The following DIP2B variants were observed in gnomAD, a reference collection of about 807,000 sequenced individuals.
DIP2B encodes disco-interacting protein 2 homolog B.
In DIP2B, 76 loss-of-function variants were observed where a neutral mutation model predicts 198.0. The ratio of observed to expected loss-of-function variants is 0.38; its 90% CI spans 0.32 to 0.46. DIP2B has a LOEUF of 0.46. Ranked by LOEUF, DIP2B falls within the 20% of genes least tolerant of loss-of-function variation. The probability of loss-of-function intolerance (pLI) is 0.99; values close to 1 mark genes in which losing one functional copy is unlikely to be tolerated. For synonymous variants in DIP2B, 701 were observed against 739.1 expected (o/e 0.95, Z 0.84); for missense variants, 1,559 against 1,978.4 (o/e 0.79, Z 4.02).
chr12:50,688,273 C>T (rs576717992), intron 12 of DIP2B, among the ~76,000 whole-genome samples: 2 of 152,048 alleles, frequency 1.3e-5, no homozygotes, highest in Non-Finnish European at 2.9e-5. Flanking sequence ...AGAGAGTGAC[C>T]AGTAGCTCTG....
rs769310323 is a variant in DIP2B, at chr12:50,674,564, C to G, written c.731C>G (p.Pro244Arg). 7 of 1,614,240 alleles carry G rather than the reference C, an allele frequency of 4.3e-6. No homozygotes were observed. In the Admixed American group the frequency reaches 5.0e-5, roughly 12 times the overall value. The change falls in exon 6 of 38, where the codon CCC (proline) becomes CGC (arginine). Residue 244 changes from proline to arginine, a missense_variant. Pro to Arg is a moderately radical substitution (Grantham distance 103). Transcript: ENST00000301180. Reference protein sequence around the residue: ...SIRPANIDLPPSGIVKGMHKG... With the variant: ...SIRPANIDLPRSGIVKGMHKG... Reference sequence around the variant, plus strand: ...CGCCCAGCAAACATTGACCTGCCCCCCTCGGGGATAGTTAAAGGCATGCAC... The same window carrying G: ...CGCCCAGCAAACATTGACCTGCCCCGCTCGGGGATAGTTAAAGGCATGCAC...
intron 1 of DIP2B, among the ~76,000 whole-genome samples, chr12:50,621,171 G>A (rs559076856): frequency 1.3e-5 from 2 of 152,320 alleles, no homozygotes; most frequent in Admixed American, 1.3e-4. Flanking sequence ...ATAAGTGGTG[G>A]CAACCACAGA....
intron 1 of DIP2B, among the ~76,000 whole-genome samples, chr12:50,573,714 T>G (rs971583620): frequency 6.6e-6 from 1 of 152,240 alleles, no homozygotes; most frequent in Non-Finnish European, 1.5e-5. Context: ...AAATGGTTAG[T>G]CCAATTTTGT....
intron 1 of DIP2B, among the ~76,000 whole-genome samples, chr12:50,538,106 G>T (rs1958286569): frequency 6.6e-6 from 1 of 152,166 alleles, no homozygotes; most frequent in African/African-American, 2.4e-5. Context: ...ACAGAGGAAA[G>T]AAAAGCTTGT....
intron 1 of DIP2B, among the ~76,000 whole-genome samples, chr12:50,546,088 G>A (rs1958375350): frequency 6.6e-6 from 1 of 152,198 alleles, no homozygotes. Flanking sequence ...TGCACTGATT[G>A]TATTATCTTA....
At chr12:50,615,301 TA>T (rs1937678278) in intron 1 of DIP2B, among the ~76,000 whole-genome samples, 1 of 152,220 alleles carries the variant, frequency 6.6e-6, no homozygotes, top group African/African-American at 2.4e-5. Context: ...CATTCATAAT[TA>T]GATGCACGTA....
At position 50,660,303 on chromosome 12, in the gene DIP2B, T is replaced by G; in HGVS notation, c.411T>G (p.Asp137Glu). ...RRSTFVQSPA[D>E]ACTPPDTSSA... ...CCACATTTGTTCAGTCTCCTGCAGA[T>G]GCCTGCACACCTCCTGGTAGGTTTA... Residue 137 changes from aspartate to glutamate, a missense_variant, in exon 4 of 38, where the codon GAT becomes GAG. Physicochemically the swap from Asp to Glu is conservative, Grantham distance 45. Transcript: ENST00000301180. The G allele has an allele frequency of 6.2e-7, 1 of 1,609,910 alleles. No homozygotes were observed. Among genetic ancestry groups the G allele is most frequent in the South Asian group, 1.1e-5 (1 of 89,764 alleles).
intron 3 of DIP2B, among the ~76,000 whole-genome samples, chr12:50,654,700 T>C (rs1201238305): frequency 1.3e-5 from 2 of 152,156 alleles, no homozygotes; most frequent in Non-Finnish European, 2.9e-5. Flanking sequence ...ATATAAAAAA[T>C]GGCCAAGTGA....
At chr12:50,623,392 T>TACAC (rs55689070) in intron 1 of DIP2B, among the ~76,000 whole-genome samples, 77 of 94,430 alleles carry the variant, frequency 8.2e-4, no homozygotes, top group African/African-American at 2.9e-3. Context: ...TATATGTATC[T>TACAC]ACACACACAC....
At chr12:50,552,554 T>G (rs904270130) in intron 1 of DIP2B, among the ~76,000 whole-genome samples, 1 of 152,146 alleles carries the variant, frequency 6.6e-6, no homozygotes, top group Non-Finnish European at 1.5e-5. Context: ...TTCTGGATAT[T>G]AACCCTTTAT....
intron 1 of DIP2B, among the ~76,000 whole-genome samples, chr12:50,524,585 T>C (rs886975288): frequency 1.3e-5 from 2 of 152,104 alleles, no homozygotes; most frequent in African/African-American, 2.4e-5. Flanking sequence ...TCTTCCTTTT[T>C]TTAATTTATC....
intron 1 of DIP2B, among the ~76,000 whole-genome samples, chr12:50,548,847 A>G (rs1297558876): frequency 6.6e-6 from 1 of 152,146 alleles, no homozygotes; most frequent in Non-Finnish European, 1.5e-5. Context: ...TTTAAAGTGT[A>G]AGATACTAAG....
rs778643114 is a variant in DIP2B at position 50,698,403 on chromosome 12, G to T, written c.2124G>T (p.Arg708=). The T allele has an allele frequency of 1.2e-6, 2 of 1,613,886 alleles. No individual in the cohort carries two copies. The highest frequency in any genetic ancestry group is 1.7e-6 in the Non-Finnish European group (2 of 1,179,922). Residue 708 remains arginine, a synonymous_variant, in exon 18 of 38, where the codon CGG becomes CGT. Transcript: ENST00000301180. The stretch of plus-strand genomic sequence containing the variant: ...ATGGATTGAGCTATGGGGTAATACG[G>T]GTCAATACTGAAGATAAAAATTCAG... ...SMNGLSYGVI[R]VNTEDKNSAL...
intron 1 of DIP2B, among the ~76,000 whole-genome samples, chr12:50,567,759 C>T (rs893635296): frequency 1.3e-5 from 2 of 152,192 alleles, no homozygotes; most frequent in African/African-American, 4.8e-5. Context: ...AACTCCTGAC[C>T]TCAGATGATC....
At position 50,714,726 on chromosome 12, in the gene DIP2B, G is replaced by T. The variant is rs1250739604; in HGVS notation, c.2851+130G>T. The T allele has an allele frequency of 3.3e-5, 36 of 1,095,668 alleles. No homozygotes were observed. The South Asian group carries it at 3.6e-4, about 11-fold the overall frequency. The allele number at this position is 1,095,668 out of a possible 1,614,324, so 67.9% of individuals were successfully genotyped here. On this transcript the variant is annotated intron_variant, in intron 23 of 37. Transcript: ENST00000301180. The stretch of plus-strand genomic sequence containing the variant: ...AGGCCAAGGTGGGAGGGTCGTGTGA[G>T]CCCAGGAGCTCGAAAACAGCCTGGG...
intron 2 of DIP2B, among the ~76,000 whole-genome samples, chr12:50,635,465 G>A (rs1938141756): frequency 6.6e-6 from 1 of 152,150 alleles, no homozygotes; most frequent in South Asian, 2.1e-4. Flanking sequence ...GTCACCCAAA[G>A]GTTTTTCCCA....
chr12:50,722,762 A>G (rs1226853448), intron 26 of DIP2B, among the ~76,000 whole-genome samples: 1 of 152,096 alleles, frequency 6.6e-6, no homozygotes, highest in Non-Finnish European at 1.5e-5. Flanking sequence ...TTGCTCCCTA[A>G]AACTCATACC....
intron 16 of DIP2B, 113 bp from the exon 17 acceptor site, chr12:50,696,947 TA>T (rs1939322814): frequency 1.4e-6 from 1 of 734,756 alleles, no homozygotes; most frequent in South Asian, 1.9e-5. Flanking sequence ...ATTAACAATA[TA>T]CAATATGAGT....
intron 1 of DIP2B, among the ~76,000 whole-genome samples, chr12:50,543,395 T>G (rs951608079): frequency 2.0e-5 from 3 of 152,008 alleles, no homozygotes; most frequent in African/African-American, 7.2e-5. Flanking sequence ...GTTCAAGCAA[T>G]TCTCCTGCCT....
Sources: gnomAD v4.1 joint callset for allele counts (sites outside exome capture counted in the v4.1 genomes callset) on GRCh38, gnomAD v4.1.1 for gene constraint, MANE v1.5 for transcripts, NCBI Gene and HGNC (gene_info 2026-07-23, HGNC 2026-07-21) for gene names.